The following FGF12 variants were observed in gnomAD, a reference collection of about 807,000 sequenced individuals.
FGF12 encodes the protein fibroblast growth factor 12B.
FGF12 carries 14 observed loss-of-function variants against 23.6 expected under a neutral mutation model. The ratio of observed to expected loss-of-function variants is 0.59; its 90% CI spans 0.39 to 0.93. The LOEUF is 0.93. FGF12 is among the 40% of genes least tolerant of loss of function. The probability of loss-of-function intolerance (pLI) is 0.00; values close to 1 mark genes in which losing one functional copy is unlikely to be tolerated. For missense variants in FGF12, 175 were observed against 217.8 expected (o/e 0.80, Z 1.24); for synonymous variants, 62 against 77.3 (o/e 0.80, Z 1.04).
chr3:192,439,441 C>T (rs1323212092), intron 2 of FGF12, among the ~76,000 whole-genome samples: 3 of 152,206 alleles, frequency 2.0e-5, no homozygotes, highest in Admixed American at 2.0e-4. Context: ...ACACCTTAAT[C>T]TTCCCTTCCT....
At chr3:192,718,686 T>C (rs991940956) in intron 2 of FGF12, among the ~76,000 whole-genome samples, 4 of 152,202 alleles carry the variant, frequency 2.6e-5, no homozygotes, top group Admixed American at 6.5e-5. Flanking sequence ...GTGGTCACAA[T>C]CATGCCATAT....
Position 192,408,403 on chromosome 3 carries a change from C to T in FGF12, c.14-47865G>A, listed in dbSNP as rs1353319525. ...CTCACAAGGTTAGTCAAAGTCTGGG[C>T]AGTGGCGACAAAATGTGTGAAAATC... is the stretch of plus-strand genomic sequence containing the variant. On this transcript the variant is annotated intron_variant, in intron 2 of 5. Coordinates refer to ENST00000445105, the MANE Select transcript of FGF12 (RefSeq NM_004113.6). The surrounding 1 kb of genome is among the most constrained non-coding windows in gnomAD (Gnocchi z 7.3). The T allele has an allele frequency of 7.1e-7, 1 of 1,406,262 alleles. No individual in the cohort carries two copies. Among genetic ancestry groups the T allele is most frequent in the Non-Finnish European group, 9.2e-7 (1 of 1,085,842 alleles). The allele number at this position is 1,406,262 out of a possible 1,614,324, so 87.1% of individuals were successfully genotyped here. A position where few individuals can be genotyped will look rare whatever the true frequency, so the allele number is the denominator to read the frequency against.
chr3:192,583,004 T>G (rs1316375393), intron 2 of FGF12, among the ~76,000 whole-genome samples: 2 of 152,150 alleles, frequency 1.3e-5, no homozygotes, highest in Non-Finnish European at 2.9e-5. Flanking sequence ...TAAATGAGAT[T>G]TTATCTGTTC....
At chr3:192,715,588 T>C (rs1395423538) in intron 2 of FGF12, among the ~76,000 whole-genome samples, 1 of 152,240 alleles carries the variant, frequency 6.6e-6, no homozygotes, top group Non-Finnish European at 1.5e-5. Context: ...TACATTTAGA[T>C]ATTTAGTGTA....
intron 2 of FGF12, among the ~76,000 whole-genome samples, chr3:192,549,924 G>C (rs554027995): frequency 6.6e-6 from 1 of 152,100 alleles, no homozygotes; most frequent in Non-Finnish European, 1.5e-5. Context: ...AGCTTTCTTA[G>C]GTCTCTAGTT....
At chr3:192,373,029 G>C (rs917946437) in intron 2 of FGF12, among the ~76,000 whole-genome samples, 1 of 151,974 alleles carries the variant, frequency 6.6e-6, no homozygotes, top group African/African-American at 2.4e-5. Context: ...CAATTTCATA[G>C]AGGTCTTGTC....
At position 192,367,627 on chromosome 3, in the gene FGF12, A is replaced by T. The variant is rs530482734; in HGVS notation, c.14-7089T>A. On this transcript the variant is annotated intron_variant, in intron 2 of 5. Transcript: ENST00000445105. ...CTTTTGAACACACTGAAAAATTGCAACTCTACTGATCTATGGGGATTCAGT... is the reference window on the plus strand; with the variant it reads ...CTTTTGAACACACTGAAAAATTGCATCTCTACTGATCTATGGGGATTCAGT... Among the ~76,000 whole-genome samples the T allele has an allele frequency of 1.2e-3, 183 of 152,262 alleles. 1 individual carries two copies. In the Middle Eastern group the frequency reaches 0.017, roughly 14 times the overall value.
At chr3:192,663,427 G>A (rs1469150212) in intron 2 of FGF12, among the ~76,000 whole-genome samples, 1 of 152,120 alleles carries the variant, frequency 6.6e-6, no homozygotes, top group African/African-American at 2.4e-5. Context: ...GGGGTCCAAG[G>A]CTGGTGGGTG....
intron 2 of FGF12, among the ~76,000 whole-genome samples, chr3:192,569,412 C>T (rs553686575): frequency 6.6e-6 from 1 of 152,170 alleles, no homozygotes; most frequent in East Asian, 1.9e-4. Context: ...CTAAGGAACC[C>T]TCGTATTCCT....
At chr3:192,407,708 G>GATGAATGAA (rs1721019442) in intron 2 of FGF12, among the ~76,000 whole-genome samples, 1 of 49,966 alleles carries the variant, frequency 2.0e-5, no homozygotes, top group Admixed American at 1.9e-4. Flanking sequence ...AGAGAGAAGA[G>GATGAATGAA]ATGAATGAAT....
In FGF12 at chr3:192,408,757, A is replaced by C; in HGVS notation, c.14-48219T>G. The C allele has an allele frequency of 3.0e-6, 3 of 986,474 alleles. No individual in the cohort carries two copies. The highest frequency in any genetic ancestry group is 2.4e-6 in the Non-Finnish European group (2 of 830,736). The allele number at this position is 986,474 out of a possible 1,614,324, so 61.1% of individuals were successfully genotyped here. On this transcript the variant is annotated intron_variant, in intron 2 of 5. Transcript: ENST00000445105. The surrounding 1 kb of genome is among the most constrained non-coding windows in gnomAD (Gnocchi z 7.3). ...GCGCCCCCGGTAGAAAATACTAAAA[A>C]GTGAATAAAACGTTCCTTTAGAAAA... is the stretch of plus-strand genomic sequence containing the variant.
intron 2 of FGF12, among the ~76,000 whole-genome samples, chr3:192,519,566 A>G (rs1304136889): frequency 6.6e-6 from 1 of 152,196 alleles, no homozygotes; most frequent in Non-Finnish European, 1.5e-5. Flanking sequence ...ATTGATAAAT[A>G]TATTGAGGAA....
chr3:192,615,039 C>G (rs114503320), intron 2 of FGF12, among the ~76,000 whole-genome samples: 1,820 of 151,984 alleles, frequency 0.012, 37 homozygotes, highest in African/African-American at 0.041. Context: ...TCTACACTGT[C>G]CAGATATCTA....
At chr3:192,661,417 T>C (rs1423818122) in intron 2 of FGF12, among the ~76,000 whole-genome samples, 2 of 152,096 alleles carry the variant, frequency 1.3e-5, no homozygotes, top group Non-Finnish European at 2.9e-5. Flanking sequence ...TCCCAGCTAC[T>C]TGGGAGACTG....
At chr3:192,265,742 G>A (rs1427781245) in intron 4 of FGF12, among the ~76,000 whole-genome samples, 1 of 152,028 alleles carries the variant, frequency 6.6e-6, no homozygotes, top group Non-Finnish European at 1.5e-5. Context: ...TGGCAGAGGT[G>A]AGTAATTGTG....
At chr3:192,159,206 T>C (rs1220696281) in intron 5 of FGF12, among the ~76,000 whole-genome samples, 1 of 152,194 alleles carries the variant, frequency 6.6e-6, no homozygotes, top group Admixed American at 6.5e-5. Context: ...TTCAGACTTA[T>C]TTCTCACTGT....
chr3:192,389,230 C>G (rs1720189351), intron 2 of FGF12, among the ~76,000 whole-genome samples: 1 of 152,098 alleles, frequency 6.6e-6, no homozygotes. Context: ...CATGGTGGCA[C>G]ATGCCTATAG....
chr3:192,149,104 T>G (rs947591333), intron 5 of FGF12, among the ~76,000 whole-genome samples: 1 of 152,194 alleles, frequency 6.6e-6, no homozygotes, highest in Non-Finnish European at 1.5e-5. Context: ...GAAGAGTTAA[T>G]ATACTTAGTT....
chr3:192,664,767 A>G (rs2108687284), intron 2 of FGF12, among the ~76,000 whole-genome samples: 1 of 152,294 alleles, frequency 6.6e-6, no homozygotes, highest in African/African-American at 2.4e-5. Flanking sequence ...TCCGTCTCAC[A>G]ACAACAACTA....
Sources: gnomAD v4.1 joint callset for allele counts (sites outside exome capture counted in the v4.1 genomes callset) on GRCh38, gnomAD v4.1.1 for gene constraint, Gnocchi (gnomAD v3.1) non-coding constraint, MANE v1.5 for transcripts, NCBI Gene and HGNC (gene_info 2026-07-23, HGNC 2026-07-21) for gene names.